The following STK26 variants were observed in gnomAD, a reference collection of about 807,000 sequenced individuals.
The protein encoded by STK26 is serine/threonine-protein kinase 26.
STK26 carries 14 observed loss-of-function variants against 34.7 expected under a neutral mutation model. That is an observed-to-expected ratio of 0.40 (90% CI 0.27 to 0.63). The LOEUF is 0.63. STK26 is among the 30% of genes least tolerant of loss of function. The pLI is 0.38. For synonymous variants in STK26, 100 were observed against 109.8 expected, an observed-to-expected ratio of 0.91 and a Z score of 0.56; for missense variants, 226 against 309.1, an observed-to-expected ratio of 0.73 and a Z score of 2.02.
At chrX:132,030,853 A>C (rs1299250320) in intron 2 of STK26, among the ~76,000 whole-genome samples, 1 of 111,865 alleles carries the variant, frequency 8.9e-6, no homozygotes, top group Non-Finnish European at 1.9e-5. Context: ...AAATCAATTA[A>C]ATACACAGAA....
chrX:132,032,307 G>T (rs1301418830), intron 2 of STK26, among the ~76,000 whole-genome samples: 1 of 112,016 alleles, frequency 8.9e-6, no homozygotes, highest in Non-Finnish European at 1.9e-5. Flanking sequence ...TACTTCCTGG[G>T]CCCCAGAGTA....
chrX:132,054,197 C>T (rs1446574707), intron 2 of STK26, among the ~76,000 whole-genome samples: 1 of 111,733 alleles, frequency 8.9e-6, no homozygotes, highest in Non-Finnish European at 1.9e-5. Flanking sequence ...TTGGGATATC[C>T]GAGTTGGAGA....
chrX:132,069,905 A>G (rs962236400), intron 7 of STK26, among the ~76,000 whole-genome samples: 5 of 110,611 alleles, frequency 4.5e-5, no homozygotes, highest in Admixed American at 3.9e-4. Flanking sequence ...TCTATTCATT[A>G]TTTCCTCTTT....
chrX:132,043,434 A>G (rs949376660), intron 2 of STK26, among the ~76,000 whole-genome samples: 2 of 111,584 alleles, frequency 1.8e-5, no homozygotes, highest in African/African-American at 6.5e-5. Flanking sequence ...TTCATGTATT[A>G]ACAGAGTCTT....
intron 3 of STK26, among the ~76,000 whole-genome samples, chrX:132,056,485 G>A (rs1353407746): frequency 8.9e-6 from 1 of 111,819 alleles, no homozygotes; most frequent in Non-Finnish European, 1.9e-5. Flanking sequence ...CAGTGGTGAG[G>A]GCTGTTTGAG....
intron 3 of STK26, among the ~76,000 whole-genome samples, chrX:132,056,220 T>A (rs1056381326): frequency 2.9e-4 from 32 of 112,013 alleles, no homozygotes; most frequent in African/African-American, 1.0e-3. Context: ...CCTTGGTTTT[T>A]CATGTTTATT....
intron 2 of STK26, among the ~76,000 whole-genome samples, chrX:132,052,149 G>A (rs1926714242): frequency 9.1e-6 from 1 of 110,475 alleles, no homozygotes; most frequent in African/African-American, 3.3e-5. Context: ...GCATTCCTTG[G>A]GATGCTTGCT....
intron 2 of STK26, among the ~76,000 whole-genome samples, chrX:132,042,032 A>T (rs1602751219): frequency 8.9e-6 from 1 of 111,891 alleles, no homozygotes; most frequent in South Asian, 3.7e-4. Flanking sequence ...CTATTTGAAC[A>T]TTTAATTTGT....
intron 2 of STK26, among the ~76,000 whole-genome samples, chrX:132,027,560 G>GCA (rs200381495): frequency 4.5e-5 from 5 of 111,010 alleles, no homozygotes; most frequent in East Asian, 5.7e-4. Flanking sequence ...GTGAGTGCAT[G>GCA]CACACACACA....
chrX:132,037,869 G>T (rs1370764080), intron 2 of STK26, among the ~76,000 whole-genome samples: 1 of 104,424 alleles, frequency 9.6e-6, no homozygotes, highest in Non-Finnish European at 2.0e-5. Flanking sequence ...TTCTCAAAGG[G>T]CACACAAAAT....
intron 3 of STK26, 62 bp downstream of exon 3, chrX:132,054,923 A>G: frequency 4.0e-6 from 4 of 993,742 alleles, no homozygotes; most frequent in Non-Finnish European, 5.4e-6. Context: ...TTTTAATTCT[A>G]TTTTTTTGAA....
chrX:132,025,856 G>A (rs1329188725), intron 2 of STK26, among the ~76,000 whole-genome samples: 1 of 111,011 alleles, frequency 9.0e-6, no homozygotes, highest in Non-Finnish European at 1.9e-5. Context: ...TTATTGTTAT[G>A]TAGCAAAATA....
intron 2 of STK26, among the ~76,000 whole-genome samples, chrX:132,039,110 A>G (rs1926168539): frequency 9.0e-6 from 1 of 110,990 alleles, no homozygotes; most frequent in East Asian, 2.8e-4. Flanking sequence ...GTCCACCCAC[A>G]TGCCTGGGTT....
At chrX:132,042,563 T>C (rs1355976323) in intron 2 of STK26, among the ~76,000 whole-genome samples, 2 of 111,762 alleles carry the variant, frequency 1.8e-5, no homozygotes, top group Non-Finnish European at 3.8e-5. Flanking sequence ...AAGTGTATTC[T>C]TATTTATTAA....
At chrX:132,068,601 C>A in intron 6 of STK26, 32 bp downstream of exon 6, 1 of 1,168,753 alleles carries the variant, frequency 8.6e-7, no homozygotes, top group South Asian at 2.0e-5. Flanking sequence ...CTGTTTTGGG[C>A]TTGTTAATAA....
chrX:132,027,393 G>A (rs1021889374), intron 2 of STK26, among the ~76,000 whole-genome samples: 1 of 112,357 alleles, frequency 8.9e-6, no homozygotes, highest in Non-Finnish European at 1.9e-5. Context: ...GTTTAAGGTA[G>A]GCTAAGCTAT....
intron 2 of STK26, among the ~76,000 whole-genome samples, chrX:132,029,956 T>C (rs763632323): frequency 8.9e-6 from 1 of 111,838 alleles, no homozygotes; most frequent in Non-Finnish European, 1.9e-5. Context: ...CACTTTTCTT[T>C]ATACCATTAG....
chrX:132,056,319 T>A (rs751510758), intron 3 of STK26, among the ~76,000 whole-genome samples: 1 of 112,177 alleles, frequency 8.9e-6, no homozygotes, highest in South Asian at 3.7e-4. Flanking sequence ...CTTCTTCCTC[T>A]GTAGGACAGT....
At chrX:132,048,055 T>C (rs1381406293) in intron 2 of STK26, among the ~76,000 whole-genome samples, 1 of 111,824 alleles carries the variant, frequency 8.9e-6, no homozygotes, top group Non-Finnish European at 1.9e-5. Flanking sequence ...AACATGGTAA[T>C]ATAATTAATA....
Sources: allele counts gnomAD v4.1 joint callset (sites outside exome capture counted in the v4.1 genomes callset), GRCh38; gene constraint gnomAD v4.1.1; transcripts MANE v1.5; gene names NCBI Gene and HGNC (gene_info 2026-07-23, HGNC 2026-07-21).